TMPRSS9: variants seen among roughly 807,000 people sequenced by gnomAD.
The protein encoded by TMPRSS9 is transmembrane protease serine 9.
A neutral mutation model predicts 111.4 loss-of-function variants in TMPRSS9; 113 were observed. That is an observed-to-expected ratio of 1.01 (90% CI 0.87 to 1.19). The LOEUF is 1.19. Among genes scored for constraint, TMPRSS9 ranks in the 50% most tolerant of loss-of-function variants. TMPRSS9 has a pLI of 0.00. For missense variants in TMPRSS9, 1,803 were observed against 1,513.1 expected, an observed-to-expected ratio of 1.19 and a Z score of -3.18; for synonymous variants, 805 against 659.1, an observed-to-expected ratio of 1.22 and a Z score of -3.39.
intron 6 of TMPRSS9, among the ~76,000 whole-genome samples, 173 bp from the exon 8 acceptor site, chr19:2,405,201 G>A (rs1970943157): frequency 6.6e-6 from 1 of 152,092 alleles, no homozygotes; most frequent in African/African-American, 2.4e-5. Context: ...CCGAGGAGTT[G>A]AAGAGGAAGG....
chr19:2,388,384 T>C (rs1970517298), upstream of TMPRSS9, among the ~76,000 whole-genome samples: 2 of 151,726 alleles, frequency 1.3e-5, no homozygotes, highest in Admixed American at 6.6e-5. Flanking sequence ...AGACCCTGTC[T>C]CAAAAACAAA....
At chr19:2,410,673 C>T (rs940787144) in intron 9 of TMPRSS9, among the ~76,000 whole-genome samples, 2 of 152,106 alleles carry the variant, frequency 1.3e-5, no homozygotes, top group East Asian at 3.9e-4. Flanking sequence ...CTCTGCCCTC[C>T]ATGGCTCCCT....
intron 7 of TMPRSS9, among the ~76,000 whole-genome samples, chr19:2,406,160 G>A (rs1051804102): frequency 4.0e-5 from 6 of 150,354 alleles, no homozygotes; most frequent in Admixed American, 6.7e-5. Flanking sequence ...ACAGGCGCCC[G>A]CCACCACGCC....
intron 6 of TMPRSS9, 59 bp from the exon 8 acceptor site, chr19:2,405,315 G>A (rs1307846770): frequency 2.0e-6 from 3 of 1,514,378 alleles, no homozygotes; most frequent in South Asian, 2.5e-5. Context: ...CATGTTCTGG[G>A]AGTTCAGGGT....
At chr19:2,390,231 GTTTTTTTTTTTGTT>G (rs1303141916) in intron 1 of TMPRSS9, among the ~76,000 whole-genome samples, 37 of 110,570 alleles carry the variant, frequency 3.3e-4, no homozygotes, top group Non-Finnish European at 5.6e-4. Context: ...ACCCAAAGTA[GTTTTTTTTTTTGTT>G]TTTTTTTTTT....
At chr19:2,408,812 T>A (rs1343489221) in intron 8 of TMPRSS9, among the ~76,000 whole-genome samples, 182 bp downstream of exon 9, 1 of 130,398 alleles carries the variant, frequency 7.7e-6, no homozygotes, top group Non-Finnish European at 1.6e-5. Context: ...CCGTCTCTAC[T>A]AAAAAATACA....
chr19:2,426,001 C>T (rs1438562970), exon 18 of TMPRSS9: 3 of 1,607,836 alleles, frequency 1.9e-6, no homozygotes. Flanking sequence ...CTAGCTGGGG[C>T]TATGGCTGTG....
chr19:2,393,624 G>A (rs1433924976), intron 1 of TMPRSS9, among the ~76,000 whole-genome samples: 1 of 152,120 alleles, frequency 6.6e-6, no homozygotes, highest in East Asian at 1.9e-4. Context: ...CCAGGGCCAG[G>A]CATAGTAGCT....
chr19:2,400,603 G>A (rs1282955363), intron 4 of TMPRSS9, among the ~76,000 whole-genome samples: 2 of 152,000 alleles, frequency 1.3e-5, no homozygotes, highest in Non-Finnish European at 2.9e-5. Context: ...TATGCACCTG[G>A]TTTTAAAAAA....
At chr19:2,423,035 T>G (rs1409576077) in intron 14 of TMPRSS9, among the ~76,000 whole-genome samples, 2 of 149,960 alleles carry the variant, frequency 1.3e-5, no homozygotes, top group Non-Finnish European at 3.0e-5. Flanking sequence ...CCAGCCTGGG[T>G]GACACAGCCT....
chr19:2,401,020 A>C (rs969735468), intron 4 of TMPRSS9, among the ~76,000 whole-genome samples: 4 of 150,198 alleles, frequency 2.7e-5, no homozygotes, highest in Admixed American at 6.7e-5. Context: ...TACGCCTGTA[A>C]TCCCAGCACT....
chr19:2,363,780 CTG>C (rs200595061), intron 1 of TMPRSS9, among the ~76,000 whole-genome samples: 4 of 119,100 alleles, frequency 3.4e-5, no homozygotes, highest in Non-Finnish European at 6.6e-5. Context: ...TCCAAGAACT[CTG>C]TGTGTGAGTG....
At chr19:2,415,940 C>T in intron 11 of TMPRSS9, 99 bp downstream of exon 12, 2 of 1,366,302 alleles carry the variant, frequency 1.5e-6, no homozygotes, top group Non-Finnish European at 1.9e-6. Context: ...ATGGACCCCA[C>T]TGGGGAGCAG....
rs1298232465 is a variant in TMPRSS9 at position 2,398,147 on chromosome 19, T to C, written c.271-648T>C. On this transcript the variant is annotated intron_variant, in intron 2 of 17. Coordinates refer to ENST00000648592, the Ensembl canonical transcript of TMPRSS9. ...TGTCCCTACTAAAAAATACAAAAAA[T>C]TAGCCACGCATGGTGGTGTGTGCCT... 4.7e-5 allele frequency among the ~76,000 whole-genome samples: 7 copies of C among 147,800 alleles called. No homozygotes were observed. In the East Asian group the frequency reaches 1.4e-3, roughly 30 times the overall value.
intron 1 of TMPRSS9, among the ~76,000 whole-genome samples, chr19:2,394,703 A>T (rs1970672236): frequency 6.6e-6 from 1 of 152,152 alleles, no homozygotes. Context: ...ATATCTATCC[A>T]TTTAGGATAA....
chr19:2,405,294 A>G, intron 6 of TMPRSS9, 80 bp from the exon 8 acceptor site: 10 of 1,486,478 alleles, frequency 6.7e-6, no homozygotes, highest in Non-Finnish European at 8.0e-6. Flanking sequence ...TAGACGAGAG[A>G]CTCAGAGATG....
At chr19:2,422,396 G>A (rs1054709489) in intron 14 of TMPRSS9, 149 bp downstream of exon 15, 25 of 1,026,628 alleles carry the variant, frequency 2.4e-5, no homozygotes, top group African/African-American at 1.8e-4. Context: ...TGGCGAACAC[G>A]GTGAAACCTT....
At chr19:2,374,103 A>G (rs1423441939) in intron 1 of TMPRSS9, among the ~76,000 whole-genome samples, 2 of 152,034 alleles carry the variant, frequency 1.3e-5, no homozygotes, top group African/African-American at 2.4e-5. Flanking sequence ...TTCCCGAGCT[A>G]CAGAGCTCTG....
upstream of TMPRSS9, among the ~76,000 whole-genome samples, chr19:2,389,506 T>A (rs1205376217): frequency 6.6e-6 from 1 of 151,618 alleles, no homozygotes; most frequent in African/African-American, 2.4e-5. Context: ...GGTAGCTGGA[T>A]TACAGGTGTG....
Sources: allele counts gnomAD v4.1 joint callset (sites outside exome capture counted in the v4.1 genomes callset), GRCh38; gene constraint gnomAD v4.1.1; transcripts MANE v1.5; gene names NCBI Gene and HGNC (gene_info 2026-07-23, HGNC 2026-07-21).